The following HS3ST3B1 variants were observed in gnomAD, a reference collection of about 807,000 sequenced individuals.
The protein encoded by HS3ST3B1 is heparan sulfate-glucosamine 3-sulfotransferase 3B1.
In HS3ST3B1, 13 loss-of-function variants were observed where a neutral mutation model predicts 21.3. The ratio of observed to expected loss-of-function variants is 0.61; its 90% CI spans 0.40 to 0.97. The LOEUF (loss-of-function observed/expected upper bound fraction) is 0.97. HS3ST3B1 is among the 50% of genes least tolerant of loss of function. HS3ST3B1 has a pLI of 0.00. For missense variants in HS3ST3B1, 459 were observed against 554.8 expected (o/e 0.83, Z 1.73); for synonymous variants, 234 against 254.8 (o/e 0.92, Z 0.78).
chr17:14,310,070 G>A (rs758050), intron 1 of HS3ST3B1, among the ~76,000 whole-genome samples: 71,399 of 151,724 alleles, frequency 0.47, 17,804 homozygotes, highest in Non-Finnish European at 0.54. Context: ...CGATTCCGCA[G>A]ATTCAGTGGA....
chr17:14,315,256 G>A (rs983681373), intron 1 of HS3ST3B1, among the ~76,000 whole-genome samples: 2 of 152,220 alleles, frequency 1.3e-5, no homozygotes, highest in South Asian at 2.1e-4. Flanking sequence ...GTAGGACCAC[G>A]TTTTCCCCCA....
At chr17:14,302,418 T>G (rs1908966213) in intron 1 of HS3ST3B1, among the ~76,000 whole-genome samples, 1 of 152,088 alleles carries the variant, frequency 6.6e-6, no homozygotes. Context: ...ATTTTATGAC[T>G]CGTTTTAAAT....
intron 1 of HS3ST3B1, 94 bp from the exon 2 acceptor site, chr17:14,344,934 T>C (rs893713925): frequency 6.7e-7 from 1 of 1,486,048 alleles, no homozygotes; most frequent in Non-Finnish European, 9.0e-7. Context: ...CTTCCAGAAA[T>C]AAGAGGGAGC....
At chr17:14,319,533 T>C (rs564292496) in intron 1 of HS3ST3B1, among the ~76,000 whole-genome samples, 1 of 152,212 alleles carries the variant, frequency 6.6e-6, no homozygotes, top group Non-Finnish European at 1.5e-5. Flanking sequence ...ATTAATGTAT[T>C]GAGCATCTAC....
In HS3ST3B1 at chr17:14,301,692, G is replaced by A. The variant is rs764666420; in HGVS notation, c.174G>A (p.Ala58=). The A allele has an allele frequency of 1.2e-6, 2 of 1,600,948 alleles. No individual in the cohort carries two copies. The highest frequency in any genetic ancestry group is 2.3e-5 in the East Asian group (1 of 43,736). The part of the protein sequence containing the change: ...LYSCAGSCAA[A]PGLLLLGSGS... The stretch of plus-strand genomic sequence containing the variant: ...CGTGCGCCGGCTCCTGCGCCGCCGC[G>A]CCGGGGCTGCTGCTCCTGGGCTCTG... Residue 58 remains alanine, a synonymous_variant, in exon 1 of 2, where the codon GCG becomes GCA. Transcript: ENST00000360954.
chr17:14,304,087 C>T (rs901506730), intron 1 of HS3ST3B1: 1 of 152,198 alleles, frequency 6.6e-6, no homozygotes, highest in Non-Finnish European at 1.5e-5. Flanking sequence ...CTGCAGCGGA[C>T]AGCGCAGCCC....
At chr17:14,310,844 A>T (rs900322495) in intron 1 of HS3ST3B1, among the ~76,000 whole-genome samples, 3 of 152,154 alleles carry the variant, frequency 2.0e-5, no homozygotes, top group African/African-American at 7.2e-5. Flanking sequence ...CTGCCAGTTG[A>T]CACAGATACA....
intron 1 of HS3ST3B1, among the ~76,000 whole-genome samples, chr17:14,333,098 T>G (rs1597599449): frequency 6.6e-6 from 1 of 152,142 alleles, no homozygotes; most frequent in South Asian, 2.1e-4. Flanking sequence ...AAAATGATTG[T>G]TCTCGTAGGA....
intron 1 of HS3ST3B1, among the ~76,000 whole-genome samples, chr17:14,325,498 T>C (rs1253124108): frequency 6.6e-6 from 1 of 152,186 alleles, no homozygotes. Flanking sequence ...AACTTATTTG[T>C]ATATCTCTGG....
Position 14,345,615 on chromosome 17 carries a change from A to G in HS3ST3B1, c.1142A>G (p.Gln381Arg). 6.2e-7 allele frequency: 1 copy of G among 1,613,210 alleles called. No individual in the cohort carries two copies. Among genetic ancestry groups the G allele is most frequent in the Non-Finnish European group, 8.5e-7 (1 of 1,179,514 alleles). Residue 381 changes from glutamine (Q) to arginine (R), a missense_variant, in exon 2 of 2, where the codon CAG becomes CGG. Gln to Arg is a conservative substitution (Grantham distance 43). Around this residue, in one of 3 missense-constraint regions of HS3ST3B1, gnomAD observed 127 missense variants for 209.9 expected, o/e 0.60. Coordinates refer to ENST00000360954, the MANE Select transcript of HS3ST3B1 (RefSeq NM_006041.3). ...FYRPFNLKFYQMTGHDFGWD is the reference protein window; with the variant it reads ...FYRPFNLKFYRMTGHDFGWD The stretch of plus-strand genomic sequence containing the variant: ...CGGCCTTTCAACCTCAAGTTCTACC[A>G]GATGACCGGGCACGACTTTGGCTGG...
intron 1 of HS3ST3B1, among the ~76,000 whole-genome samples, chr17:14,341,385 A>G (rs1356898117): frequency 6.6e-6 from 1 of 152,196 alleles, no homozygotes; most frequent in Non-Finnish European, 1.5e-5. Flanking sequence ...TCCCCTGTGC[A>G]CAAGTCTTGC....
intron 1 of HS3ST3B1, among the ~76,000 whole-genome samples, chr17:14,311,897 A>G (rs1423403333): frequency 5.3e-5 from 8 of 152,132 alleles, no homozygotes; most frequent in Admixed American, 5.2e-4. Context: ...TAGGCAATTT[A>G]AGCCTGATGT....
At chr17:14,340,373 C>T (rs1314473523) in intron 1 of HS3ST3B1, among the ~76,000 whole-genome samples, 1 of 151,924 alleles carries the variant, frequency 6.6e-6, no homozygotes, top group Non-Finnish European at 1.5e-5. Flanking sequence ...TTCCCCTTAC[C>T]CCTCATGGCG....
chr17:14,335,625 C>A (rs561171949), intron 1 of HS3ST3B1, among the ~76,000 whole-genome samples: 2 of 151,474 alleles, frequency 1.3e-5, no homozygotes, highest in African/African-American at 4.8e-5. Context: ...ACCGAGGAGG[C>A]GGAGGTTGCA....
intron 1 of HS3ST3B1, among the ~76,000 whole-genome samples, chr17:14,313,428 T>C (rs1267012868): frequency 6.6e-6 from 1 of 152,124 alleles, no homozygotes; most frequent in Non-Finnish European, 1.5e-5. Flanking sequence ...GACCTCCTCT[T>C]GCTCGAAGCA....
At chr17:14,344,253 T>C (rs1162025012) in intron 1 of HS3ST3B1, among the ~76,000 whole-genome samples, 6 of 152,194 alleles carry the variant, frequency 3.9e-5, no homozygotes, top group Non-Finnish European at 5.9e-5. Flanking sequence ...CAGCTTTTAT[T>C]TTAGATTCAG....
At chr17:14,321,644 A>G (rs1567639332) in intron 1 of HS3ST3B1, among the ~76,000 whole-genome samples, 1 of 152,144 alleles carries the variant, frequency 6.6e-6, no homozygotes, top group South Asian at 2.1e-4. Context: ...CTGGCCTGTA[A>G]TATTAGTTCC....
chr17:14,336,910 A>C (rs1910200383), intron 1 of HS3ST3B1, among the ~76,000 whole-genome samples: 1 of 152,046 alleles, frequency 6.6e-6, no homozygotes, highest in African/African-American at 2.4e-5. Flanking sequence ...CAAGACCAAG[A>C]TTTTGGGGAC....
At chr17:14,321,632 C>T (rs1909661781) in intron 1 of HS3ST3B1, among the ~76,000 whole-genome samples, 1 of 152,074 alleles carries the variant, frequency 6.6e-6, no homozygotes, top group Admixed American at 6.5e-5. Context: ...CCTTGAGCAA[C>T]CCTGGCCTGT....
Sources: gnomAD v4.1 joint callset for allele counts (sites outside exome capture counted in the v4.1 genomes callset) on GRCh38, gnomAD v4.1.1 for gene constraint, gnomAD v4.1.1 regional missense constraint, MANE v1.5 for transcripts, NCBI Gene and HGNC (gene_info 2026-07-23, HGNC 2026-07-21) for gene names.